SGK1: variants seen among roughly 807,000 people sequenced by gnomAD.
SGK1 encodes the protein serine/threonine-protein kinase Sgk1.
In SGK1, 26 loss-of-function variants were observed where a neutral mutation model predicts 64.2. The observed-to-expected ratio is 0.40, with a 90% CI of 0.30 to 0.56. The LOEUF is 0.56. SGK1 is among the 20% of genes least tolerant of loss of function. SGK1 has a pLI of 0.38. For missense variants in SGK1, 519 were observed against 645.6 expected (o/e 0.80, Z 2.12); for synonymous variants, 265 against 239.7 (o/e 1.11, Z -0.98).
Position 134,172,331 on chromosome 6 carries a change from A to G in SGK1, c.948-15T>C. 1 of 1,540,840 alleles carries G rather than the reference A, an allele frequency of 6.5e-7. No individual in the cohort carries two copies. Among genetic ancestry groups the G allele is most frequent in the Non-Finnish European group, 9.0e-7 (1 of 1,115,804 alleles). On this transcript the variant is annotated splice_polypyrimidine_tract_variant and intron_variant, in intron 9 of 13. Coordinates refer to ENST00000367858, the MANE Select transcript of SGK1 (RefSeq NM_001143676.3). ...GTTTTAAGTCTCTGTAAAAAAGTGA[A>G]TAGAAAAGTAGTTGCACAAGTTAAT...
chr6:134,305,246 C>T lies in SGK1; in HGVS notation c.69+12146G>A, dbSNP rs531125388. Among the ~76,000 whole-genome samples, 3 of 151,644 alleles carry T rather than the reference C, an allele frequency of 2.0e-5. No individual in the cohort carries two copies. The South Asian group carries it at 6.2e-4, about 32-fold the overall frequency. On this transcript the variant is annotated intron_variant, in intron 1 of 13. Coordinates refer to ENST00000367858, the MANE Select transcript of SGK1 (RefSeq NM_001143676.3). ...TGGTGGCTGGTGCTTGTAGGCCCAC[C>T]TACTCTGGAGGCTGAGGCACAAGAA...
At chr6:134,257,667 C>G (rs1776705180) in intron 2 of SGK1, among the ~76,000 whole-genome samples, 1 of 152,114 alleles carries the variant, frequency 6.6e-6, no homozygotes. Context: ...TAGCTGAGGC[C>G]TATCATATGA....
intron 1 of SGK1, among the ~76,000 whole-genome samples, chr6:134,267,266 TGA>T (rs1776868733): frequency 6.6e-6 from 1 of 152,084 alleles, no homozygotes; most frequent in Non-Finnish European, 1.5e-5. Context: ...TGTTACAGTC[TGA>T]ATATGTTCAT....
At chr6:134,230,935 A>G (rs938117992) in intron 2 of SGK1, among the ~76,000 whole-genome samples, 1 of 152,138 alleles carries the variant, frequency 6.6e-6, no homozygotes, top group Non-Finnish European at 1.5e-5. Context: ...AATCACTTGA[A>G]CCTGGGAGGC....
At chr6:134,300,893 C>T (rs1437566909) in intron 1 of SGK1, among the ~76,000 whole-genome samples, 1 of 152,132 alleles carries the variant, frequency 6.6e-6, no homozygotes, top group East Asian at 2.0e-4. Flanking sequence ...CTCGGCCTCC[C>T]AAAGTGGTAG....
In SGK1 at chr6:134,193,537, C is replaced by T. The variant is rs141588419; in HGVS notation, c.361+13819G>A. Among the ~76,000 whole-genome samples the T allele has an allele frequency of 9.9e-5, 15 of 151,896 alleles. 1 individual carries two copies. Among genetic ancestry groups the T allele is most frequent in the East Asian group, 5.9e-4 (3 of 5,104 alleles). On this transcript the variant is annotated intron_variant, in intron 3 of 13. Transcript: ENST00000367858. ...CTTTGTTTTTTTTCTAGCCCCACTT[C>T]CAGTTTGTTTCCACAGTACTTAGAG... is the stretch of plus-strand genomic sequence containing the variant.
intron 3 of SGK1, among the ~76,000 whole-genome samples, chr6:134,202,482 A>T (rs1775701602): frequency 6.6e-6 from 1 of 152,030 alleles, no homozygotes; most frequent in African/African-American, 2.4e-5. Context: ...TGTCTCTATT[A>T]AAAATACAAT....
chr6:134,219,830 C>T (rs1248842894), intron 2 of SGK1, among the ~76,000 whole-genome samples: 3 of 147,992 alleles, frequency 2.0e-5, no homozygotes, highest in Non-Finnish European at 3.0e-5. Context: ...GAGGCCGAGG[C>T]GGGCGGATCA....
At chr6:134,175,038 G>A in intron 3 of SGK1, 1 of 739,936 alleles carries the variant, frequency 1.4e-6, no homozygotes, top group Non-Finnish European at 2.0e-6. Context: ...CATTGAGAGG[G>A]CGAGCCCCGG....
chr6:134,244,771 C>G (rs539351238), intron 2 of SGK1, among the ~76,000 whole-genome samples: 104 of 152,252 alleles, frequency 6.8e-4, no homozygotes, highest in African/African-American at 2.2e-3. Context: ...GCCATCTTGC[C>G]CGGGAATCTT....
intron 3 of SGK1, among the ~76,000 whole-genome samples, chr6:134,197,124 T>C (rs1288910386): frequency 1.3e-5 from 2 of 151,976 alleles, no homozygotes; most frequent in Non-Finnish European, 2.9e-5. Flanking sequence ...TCCCAGCTAC[T>C]TGGGGGGCTG....
chr6:134,208,626 T>C lies in SGK1; in HGVS notation c.286-1195A>G, dbSNP rs563454085. ...GCTCCCACTTATGAGTGAGAACATA[T>C]GATATTTGGTTTTCCATTCCTGAGT... On this transcript the variant is annotated intron_variant, in intron 2 of 13. Coordinates refer to ENST00000367858, the MANE Select transcript of SGK1 (RefSeq NM_001143676.3). Among the ~76,000 whole-genome samples, 12 of 152,214 alleles carry C rather than the reference T, an allele frequency of 7.9e-5. No homozygotes were observed. The South Asian group carries it at 1.0e-3, about 13-fold the overall frequency.
At chr6:134,212,116 C>G (rs922376603) in intron 2 of SGK1, among the ~76,000 whole-genome samples, 1 of 151,404 alleles carries the variant, frequency 6.6e-6, no homozygotes, top group South Asian at 2.1e-4. Context: ...TGCAGTGGTG[C>G]GATCTCGGCT....
At chr6:134,227,327 G>T (rs1406320034) in intron 2 of SGK1, among the ~76,000 whole-genome samples, 7 of 152,078 alleles carry the variant, frequency 4.6e-5, no homozygotes, top group Non-Finnish European at 1.0e-4. Flanking sequence ...TAGAGATAGG[G>T]TTTCACCATC....
At chr6:134,210,405 G>A (rs1358951160) in intron 2 of SGK1, among the ~76,000 whole-genome samples, 1 of 152,140 alleles carries the variant, frequency 6.6e-6, no homozygotes, top group Non-Finnish European at 1.5e-5. Flanking sequence ...CTGCAGGGAG[G>A]GGCAAATGGG....
intron 3 of SGK1, chr6:134,175,588 G>A: frequency 6.4e-7 from 1 of 1,569,638 alleles, no homozygotes; most frequent in African/African-American, 1.4e-5. Context: ...CTGCGCCTCG[G>A]CCCTCTTTTT....
intron 1 of SGK1, among the ~76,000 whole-genome samples, chr6:134,265,522 T>TACATATATATTTTATATAC (rs1562268917): frequency 6.8e-6 from 1 of 147,236 alleles, no homozygotes; most frequent in Non-Finnish European, 1.5e-5. Flanking sequence ...ATTTTATATA[T>TACATATATATTTTATATAC]ACATATATAT....
chr6:134,221,781 T>C (rs1422016840), intron 2 of SGK1, among the ~76,000 whole-genome samples: 1 of 151,884 alleles, frequency 6.6e-6, no homozygotes, highest in East Asian at 1.9e-4. Flanking sequence ...GCCTCCTGAG[T>C]AGCTGGGATT....
chr6:134,207,327 G>A, intron 3 of SGK1, 29 bp downstream of exon 3: 2 of 1,415,104 alleles, frequency 1.4e-6, no homozygotes, highest in Non-Finnish European at 1.0e-6. Context: ...GTACATAACA[G>A]GAAACAGGTT....
Sources: gnomAD v4.1 joint callset for allele counts (sites outside exome capture counted in the v4.1 genomes callset) on GRCh38, gnomAD v4.1.1 for gene constraint, MANE v1.5 for transcripts, NCBI Gene and HGNC (gene_info 2026-07-23, HGNC 2026-07-21) for gene names.